The following NRG3 variants were observed in gnomAD, a reference collection of about 807,000 sequenced individuals.
The protein encoded by NRG3 is neuregulin 3.
NRG3 carries 31 observed loss-of-function variants against 66.9 expected under a neutral mutation model. The ratio of observed to expected loss-of-function variants is 0.46; its 90% CI spans 0.35 to 0.63. The LOEUF is 0.63. Among genes scored for constraint, NRG3 ranks in the 20% least tolerant of loss-of-function variants. The pLI, the probability that NRG3 is intolerant of heterozygous loss-of-function variation, is 0.00. For synonymous variants in NRG3, 393 were observed against 359.4 expected (o/e 1.09, Z -1.06); for missense variants, 910 against 878.9 (o/e 1.04, Z -0.45).
At chr10:81,967,724 C>T (rs1245735844) in intron 1 of NRG3, among the ~76,000 whole-genome samples, 3 of 152,014 alleles carry the variant, frequency 2.0e-5, no homozygotes, top group Non-Finnish European at 4.4e-5. Flanking sequence ...TAATGTCTTT[C>T]ATAGTGTTTG....
At chr10:82,567,076 A>G (rs1212893836) in intron 2 of NRG3, among the ~76,000 whole-genome samples, 5 of 151,982 alleles carry the variant, frequency 3.3e-5, no homozygotes, top group Non-Finnish European at 7.4e-5. Flanking sequence ...CACAGGTTCC[A>G]TGGTCATCTT....
In NRG3 at chr10:82,008,284, C is replaced by A. The variant is rs149417428; in HGVS notation, c.823+132121C>A. Among the ~76,000 whole-genome samples, 634 of 152,242 alleles carry A rather than the reference C, an allele frequency of 4.2e-3. 5 individuals are homozygous for A. Among genetic ancestry groups the A allele is most frequent in the African/African-American group, 0.015 (604 of 41,532 alleles). ...GGAAGGTCAGGGAAAGACATCTGAA[C>A]TTGACCACACTATTGAGTATGAGTT... On this transcript the variant is annotated intron_variant, in intron 1 of 8. Transcript: ENST00000372141.
At chr10:81,938,581 C>G (rs78912517) in intron 1 of NRG3, among the ~76,000 whole-genome samples, 1 of 149,558 alleles carries the variant, frequency 6.7e-6, no homozygotes, top group African/African-American at 2.5e-5. Context: ...TGATTTTGTA[C>G]GCTGCAACTT....
chr10:82,059,377 G>A (rs1200447862), intron 1 of NRG3, among the ~76,000 whole-genome samples: 1 of 152,104 alleles, frequency 6.6e-6, no homozygotes, highest in Admixed American at 6.5e-5. Flanking sequence ...GATATTTCAG[G>A]GTGAATGGCC....
At chr10:82,016,888 G>A (rs770253864) in intron 1 of NRG3, among the ~76,000 whole-genome samples, 4 of 152,046 alleles carry the variant, frequency 2.6e-5, no homozygotes, top group Non-Finnish European at 5.9e-5. Context: ...TGAAAAGCAG[G>A]ATTTCTTTGA....
At chr10:82,943,554 AAGG>A (rs1463382360) in intron 4 of NRG3, among the ~76,000 whole-genome samples, 2 of 152,236 alleles carry the variant, frequency 1.3e-5, no homozygotes, top group Non-Finnish European at 2.9e-5. Context: ...AAGAACAGGA[AAGG>A]AGGAGTATAT....
intron 3 of NRG3, among the ~76,000 whole-genome samples, chr10:82,770,643 A>G (rs1375309958): frequency 6.6e-6 from 1 of 152,142 alleles, no homozygotes; most frequent in Admixed American, 6.6e-5. Context: ...TGTTTTGGCA[A>G]TTTAAACATA....
chr10:82,707,103 C>T (rs2056353965), intron 2 of NRG3, among the ~76,000 whole-genome samples: 1 of 149,390 alleles, frequency 6.7e-6, no homozygotes, highest in Non-Finnish European at 1.5e-5. Flanking sequence ...TACTTTTGTA[C>T]TCAATTTCAT....
At chr10:82,978,497 A>C (rs924804532) in intron 7 of NRG3, among the ~76,000 whole-genome samples, 17 of 152,238 alleles carry the variant, frequency 1.1e-4, no homozygotes, top group African/African-American at 4.1e-4. Context: ...TTTTATCGCT[A>C]ATAAGTGAAT....
chr10:82,671,202 C>T (rs1489420674), intron 2 of NRG3, among the ~76,000 whole-genome samples: 1 of 152,210 alleles, frequency 6.6e-6, no homozygotes, highest in South Asian at 2.1e-4. Context: ...AGCTGCAACA[C>T]TGTGACTCCT....
intron 2 of NRG3, among the ~76,000 whole-genome samples, chr10:82,646,557 T>G (rs1056740787): frequency 6.6e-6 from 1 of 152,210 alleles, no homozygotes; most frequent in Admixed American, 6.6e-5. Context: ...TAAATTACGA[T>G]GTCGAAGACA....
chr10:82,531,492 T>A (rs1699488620), intron 2 of NRG3, among the ~76,000 whole-genome samples: 1 of 151,826 alleles, frequency 6.6e-6, no homozygotes, highest in Admixed American at 6.6e-5. Context: ...CTTTTAACAT[T>A]GTTTTTGAAT....
At chr10:82,064,646 A>G (rs150404512) in intron 1 of NRG3, among the ~76,000 whole-genome samples, 303 of 152,322 alleles carry the variant, frequency 2.0e-3, no homozygotes, top group Non-Finnish European at 3.5e-3. Flanking sequence ...CCTGATGCAC[A>G]CTTATGAGCA....
At chr10:81,992,648 A>G (rs1019646430) in intron 1 of NRG3, among the ~76,000 whole-genome samples, 1 of 152,172 alleles carries the variant, frequency 6.6e-6, no homozygotes, top group Non-Finnish European at 1.5e-5. Flanking sequence ...ATGAGCTAGA[A>G]TGACTCTCTT....
intron 1 of NRG3, among the ~76,000 whole-genome samples, chr10:82,199,872 G>T (rs927929113): frequency 8.5e-6 from 1 of 117,236 alleles, no homozygotes; most frequent in African/African-American, 3.2e-5. Context: ...TTGAGAGTGT[G>T]CATGTGTGTG....
intron 3 of NRG3, among the ~76,000 whole-genome samples, chr10:82,794,706 A>G (rs1192035011): frequency 2.0e-5 from 3 of 152,070 alleles, no homozygotes; most frequent in East Asian, 3.8e-4. Context: ...TTAACTTCCA[A>G]TTGTCACAAA....
chr10:82,317,098 A>C (rs2081334517), intron 1 of NRG3, among the ~76,000 whole-genome samples: 1 of 152,176 alleles, frequency 6.6e-6, no homozygotes, highest in African/African-American at 2.4e-5. Context: ...CTTTCCAGAA[A>C]GGTATAGAAT....
chr10:82,909,886 G>A (rs1013312060), intron 4 of NRG3, among the ~76,000 whole-genome samples: 1 of 152,206 alleles, frequency 6.6e-6, no homozygotes, highest in Admixed American at 6.5e-5. Context: ...TTACAGAAGT[G>A]TATGATGGTA....
At chr10:81,954,377 G>C (rs1046779662) in intron 1 of NRG3, among the ~76,000 whole-genome samples, 3 of 152,116 alleles carry the variant, frequency 2.0e-5, no homozygotes, top group Non-Finnish European at 4.4e-5. Flanking sequence ...TGGAAGTGAA[G>C]TTATTTTCTT....
Sources: gnomAD v4.1 joint callset for allele counts (sites outside exome capture counted in the v4.1 genomes callset) on GRCh38, gnomAD v4.1.1 for gene constraint, MANE v1.5 for transcripts, NCBI Gene and HGNC (gene_info 2026-07-23, HGNC 2026-07-21) for gene names.